The following ST8SIA1 variants were observed in gnomAD, a reference collection of about 807,000 sequenced individuals.
ST8SIA1 encodes ST8 alpha-N-acetyl-neuraminide alpha-2,8-sialyltransferase 1, also known as alpha-N-acetylneuraminide alpha-2,8-sialyltransferase.
In ST8SIA1, 16 loss-of-function variants were observed where a neutral mutation model predicts 35.9. The observed-to-expected ratio is 0.45, with a 90% confidence interval of 0.30 to 0.68. The LOEUF is 0.68. ST8SIA1 is among the 30% of genes least tolerant of loss of function. The pLI, the probability that ST8SIA1 is intolerant of heterozygous loss-of-function variation, is 0.09. For synonymous variants in ST8SIA1, 170 were observed against 169.6 expected (o/e 1.00, Z -0.02); for missense variants, 383 against 453.6 (o/e 0.84, Z 1.41).
chr12:22,211,335 T>A (rs984585013), intron 4 of ST8SIA1, among the ~76,000 whole-genome samples: 6 of 152,154 alleles, frequency 3.9e-5, no homozygotes, highest in African/African-American at 1.4e-4. Flanking sequence ...CCCTCTCTCC[T>A]CCCTGGAGAC....
chr12:22,216,226 C>T (rs1411688687), intron 4 of ST8SIA1, among the ~76,000 whole-genome samples: 2 of 152,136 alleles, frequency 1.3e-5, no homozygotes, highest in Non-Finnish European at 2.9e-5. Flanking sequence ...AAGTAATTGT[C>T]CCAAGTCCAA....
intron 4 of ST8SIA1, among the ~76,000 whole-genome samples, chr12:22,220,644 T>C (rs1187489194): frequency 6.6e-6 from 1 of 152,310 alleles, no homozygotes; most frequent in East Asian, 1.9e-4. Flanking sequence ...TTAAAAGCAA[T>C]TAAGTGTCTT....
chr12:22,234,335 A>G (rs1435015814), intron 4 of ST8SIA1, among the ~76,000 whole-genome samples: 1 of 151,896 alleles, frequency 6.6e-6, no homozygotes, highest in Admixed American at 6.6e-5. Context: ...CAGTGTTTCT[A>G]TAATAGTATT....
intron 4 of ST8SIA1, among the ~76,000 whole-genome samples, chr12:22,204,463 C>CT (rs1865084872): frequency 6.6e-6 from 1 of 152,180 alleles, no homozygotes; most frequent in Non-Finnish European, 1.5e-5. Context: ...TAGGATACCT[C>CT]TATTGCTTTC....
intron 1 of ST8SIA1, among the ~76,000 whole-genome samples, chr12:22,305,166 A>C (rs1802920904): frequency 6.6e-6 from 1 of 152,152 alleles, no homozygotes. Context: ...TGTGTACACA[A>C]TGTTTCACTG....
intron 1 of ST8SIA1, among the ~76,000 whole-genome samples, chr12:22,320,421 A>T (rs1358967609): frequency 6.6e-6 from 1 of 152,202 alleles, no homozygotes; most frequent in Non-Finnish European, 1.5e-5. Context: ...CTAGGGAAGG[A>T]GCTGCCTTGG....
At chr12:22,319,724 T>A (rs73089211) in intron 1 of ST8SIA1, among the ~76,000 whole-genome samples, 3,587 of 152,194 alleles carry the variant, frequency 0.024, 111 homozygotes, top group South Asian at 0.16. Context: ...CTATTGAGAA[T>A]GGGGATTCTT....
intron 1 of ST8SIA1, among the ~76,000 whole-genome samples, chr12:22,294,086 T>C (rs1397738122): frequency 2.0e-5 from 3 of 152,174 alleles, no homozygotes; most frequent in African/African-American, 7.2e-5. Flanking sequence ...ACATATTTTC[T>C]ATATGATCTA....
chr12:22,226,949 TTTG>T lies in ST8SIA1; in HGVS notation c.584+22054_584+22056del, dbSNP rs567493377. ...TGAGTCTTTTTTGTTTGTTTGTTTGTTTGTTGTTGTTGTTTTGAGATGGAGTCT... is the reference window on the plus strand; with the variant it reads ...TGAGTCTTTTTTGTTTGTTTGTTTGTTTGTTGTTGTTTTGAGATGGAGTCT... On this transcript the variant is annotated intron_variant, in intron 4 of 4. Coordinates refer to ENST00000396037, the MANE Select transcript of ST8SIA1 (RefSeq NM_003034.4). Among the ~76,000 whole-genome samples, 353 of 152,056 alleles carry T rather than the reference TTTG, an allele frequency of 2.3e-3. 3 individuals are homozygous for T. Among genetic ancestry groups the T allele is most frequent in the African/African-American group, 8.1e-3 (338 of 41,490 alleles).
rs1262555540 is a variant in ST8SIA1, at chr12:22,316,149, ACAAGAAT to A, written c.236+17841_236+17847del. ...AGTGAAATTCAAATAAAAAATCTCA[ACAAGAAT>A]CATTTGAACTTGCAAAACAATCTTA... On this transcript the variant is annotated intron_variant, in intron 1 of 4. Coordinates refer to ENST00000396037, the MANE Select transcript of ST8SIA1 (RefSeq NM_003034.4). 2.0e-5 allele frequency among the ~76,000 whole-genome samples: 3 copies of A among 152,202 alleles called. No homozygotes were observed. The East Asian group carries it at 5.8e-4, about 29-fold the overall frequency.
At position 22,201,673 on chromosome 12, in the gene ST8SIA1, G is replaced by A; in HGVS notation, c.950C>T (p.Pro317Leu). ...GGGCATGGCATGGAAGCCAGAAAAG[G>A]GTAAGACGTTGTCATAGTAGTGGTG... The part of the protein sequence containing the change: ...ISHHYYDNVL[P>L]FSGFHAMPEE... The change falls in exon 5 of 5, where the codon CCC becomes CTC. Residue 317 changes from proline to leucine, a missense_variant. Pro to Leu is a moderately conservative substitution (Grantham distance 98). Coordinates refer to ENST00000396037, the MANE Select transcript of ST8SIA1 (RefSeq NM_003034.4). The A allele has an allele frequency of 6.2e-7, 1 of 1,614,136 alleles. No homozygotes were observed. The highest frequency in any genetic ancestry group is 8.5e-7 in the Non-Finnish European group (1 of 1,179,990).
Position 22,266,845 on chromosome 12 carries a change from G to GTATA in ST8SIA1, c.382-11460_382-11457dup, listed in dbSNP as rs558529210. Among the ~76,000 whole-genome samples the GTATA allele has an allele frequency of 3.4e-3, 368 of 109,482 alleles. 2 individuals carry two copies. The highest frequency in any genetic ancestry group is 9.6e-3 in the African/African-American group (320 of 33,202). The allele number at this position is 109,482 out of a possible 152,430, so 71.8% of individuals were successfully genotyped here. A position where few individuals can be genotyped will look rare whatever the true frequency, so the allele number is the denominator to read the frequency against. ...CTCACACCCACACACATACACAAAA[G>GTATA]TATACACACACACACACACACACAC... On this transcript the variant is annotated intron_variant, in intron 2 of 4. Coordinates refer to ENST00000396037, the MANE Select transcript of ST8SIA1 (RefSeq NM_003034.4).
At chr12:22,255,221 T>G in intron 3 of ST8SIA1, 59 bp downstream of exon 3, 1 of 1,383,398 alleles carries the variant, frequency 7.2e-7, no homozygotes, top group Non-Finnish European at 1.0e-6. Flanking sequence ...CCAGGGCTTA[T>G]GGGAGGGGTG....
chr12:22,254,963 A>T (rs1865713287), intron 3 of ST8SIA1, among the ~76,000 whole-genome samples: 5 of 152,214 alleles, frequency 3.3e-5, no homozygotes, highest in African/African-American at 1.2e-4. Context: ...GAACAATTTA[A>T]AAAGCCAAAA....
At chr12:22,259,529 G>A (rs965396912) in intron 2 of ST8SIA1, among the ~76,000 whole-genome samples, 9 of 151,586 alleles carry the variant, frequency 5.9e-5, no homozygotes, top group African/African-American at 1.9e-4. Context: ...GCAGTGGCGC[G>A]ATCTGGGATC....
intron 4 of ST8SIA1, among the ~76,000 whole-genome samples, chr12:22,219,834 C>T (rs1300323737): frequency 6.6e-6 from 1 of 152,044 alleles, no homozygotes; most frequent in Non-Finnish European, 1.5e-5. Context: ...CAATGAATTT[C>T]CATTGTATAT....
At chr12:22,305,453 T>G (rs1055037760) in intron 1 of ST8SIA1, among the ~76,000 whole-genome samples, 1 of 150,678 alleles carries the variant, frequency 6.6e-6, no homozygotes, top group African/African-American at 2.4e-5. Context: ...TGCTCTCAGC[T>G]CACTGTAACC....
chr12:22,206,559 T>C (rs1865113031), intron 4 of ST8SIA1, among the ~76,000 whole-genome samples: 1 of 152,198 alleles, frequency 6.6e-6, no homozygotes. Context: ...AATTCTCGAC[T>C]CATACAATAT....
chr12:22,326,213 TA>T (rs1294133032), intron 1 of ST8SIA1: 1 of 261,166 alleles, frequency 3.8e-6, no homozygotes. Flanking sequence ...TGCCAGCACC[TA>T]ACTGGTACAT....
Sources: gnomAD v4.1 joint callset for allele counts (sites outside exome capture counted in the v4.1 genomes callset) on GRCh38, gnomAD v4.1.1 for gene constraint, MANE v1.5 for transcripts, NCBI Gene and HGNC (gene_info 2026-07-23, HGNC 2026-07-21) for gene names.